Variants in ITPR1 observed in about 807,000 individuals in gnomAD.
The protein encoded by ITPR1 is inositol 1,4,5-trisphosphate-gated calcium channel ITPR1.
Under a neutral mutation model 318.4 loss-of-function variants are expected in ITPR1, and 96 were observed. The observed-to-expected ratio is 0.30, with a 90% CI of 0.26 to 0.36. The LOEUF (loss-of-function observed/expected upper bound fraction) is 0.36. Among genes scored for constraint, ITPR1 ranks in the 10% least tolerant of loss-of-function variants. The probability of loss-of-function intolerance (pLI) is 1.00; values close to 1 mark genes in which losing one functional copy is unlikely to be tolerated. For missense variants in ITPR1, 2,440 were observed against 3,460.2 expected (o/e 0.71, Z 7.40); for synonymous variants, 1,312 against 1,289.9 (o/e 1.02, Z -0.37).
chr3:4,673,771 A>T (rs2094133818), intron 21 of ITPR1, among the ~76,000 whole-genome samples: 1 of 152,040 alleles, frequency 6.6e-6, no homozygotes, highest in Non-Finnish European at 1.5e-5. Context: ...TTTAGTAGGG[A>T]CGGGGTTTCA....
chr3:4,776,962 C>A (rs2046524504), intron 47 of ITPR1, among the ~76,000 whole-genome samples: 1 of 152,236 alleles, frequency 6.6e-6, no homozygotes, highest in Non-Finnish European at 1.5e-5. Context: ...CAGAATCAGT[C>A]ATACACCATA....
chr3:4,698,946 C>G (rs962512817), intron 34 of ITPR1, among the ~76,000 whole-genome samples: 1 of 152,164 alleles, frequency 6.6e-6, no homozygotes, highest in Non-Finnish European at 1.5e-5. Flanking sequence ...TCGTAGGTGT[C>G]TCCTCACCCC....
intron 10 of ITPR1, among the ~76,000 whole-genome samples, chr3:4,646,554 A>G (rs919414084): frequency 6.6e-6 from 1 of 152,216 alleles, no homozygotes; most frequent in Non-Finnish European, 1.5e-5. Context: ...TATCCAGGCT[A>G]TAGGGAGTTG....
chr3:4,800,350 G>C (rs2048148923), intron 53 of ITPR1, 75 bp from the exon 54 acceptor site: 2 of 1,460,966 alleles, frequency 1.4e-6, no homozygotes, highest in Non-Finnish European at 1.9e-6. Flanking sequence ...ATCTGTAACA[G>C]TGCATGTTTT....
intron 12 of ITPR1, among the ~76,000 whole-genome samples, chr3:4,657,263 T>C (rs1373019718): frequency 6.6e-6 from 1 of 152,162 alleles, no homozygotes; most frequent in Non-Finnish European, 1.5e-5. Context: ...GGGAAGTTGC[T>C]ATATCATATT....
intron 4 of ITPR1, among the ~76,000 whole-genome samples, chr3:4,560,556 G>A (rs980981530): frequency 6.6e-6 from 1 of 152,030 alleles, no homozygotes; most frequent in Non-Finnish European, 1.5e-5. Flanking sequence ...CATAAGAGGC[G>A]ACTTTTGTGT....
intron 44 of ITPR1, 113 bp downstream of exon 44, chr3:4,735,467 C>A: frequency 1.2e-6 from 1 of 811,932 alleles, no homozygotes; most frequent in Non-Finnish European, 2.0e-6. Context: ...ACAGCTCATT[C>A]TGAGGGCACA....
At chr3:4,527,317 C>T (rs1056140575) in intron 4 of ITPR1, among the ~76,000 whole-genome samples, 3 of 152,160 alleles carry the variant, frequency 2.0e-5, no homozygotes, top group Non-Finnish European at 4.4e-5. Context: ...GCTGGGACTA[C>T]GGACATACCC....
chr3:4,812,263 C>G (rs141895609), intron 56 of ITPR1, among the ~76,000 whole-genome samples: 2 of 152,120 alleles, frequency 1.3e-5, no homozygotes, highest in Non-Finnish European at 2.9e-5. Context: ...GTCTCGAACT[C>G]CTGGGCTCAG....
At chr3:4,672,005 AAT>A (rs2094096892) in intron 20 of ITPR1, among the ~76,000 whole-genome samples, 1 of 152,222 alleles carries the variant, frequency 6.6e-6, no homozygotes, top group African/African-American at 2.4e-5. Context: ...TATCTGCGTT[AAT>A]AGAGATTAAT....
intron 4 of ITPR1, among the ~76,000 whole-genome samples, chr3:4,617,737 A>C (rs1026949696): frequency 1.3e-5 from 2 of 152,144 alleles, no homozygotes; most frequent in Admixed American, 1.3e-4. Flanking sequence ...TAATCCCAGC[A>C]CTTTGGGAGG....
intron 44 of ITPR1, among the ~76,000 whole-genome samples, chr3:4,763,221 A>G (rs748286489): frequency 1.3e-5 from 2 of 152,158 alleles, no homozygotes; most frequent in Non-Finnish European, 2.9e-5. Flanking sequence ...GAGTTGGGGG[A>G]GAGCATTAGG....
chr3:4,502,310 T>C (rs2081081003), intron 2 of ITPR1, among the ~76,000 whole-genome samples: 1 of 152,216 alleles, frequency 6.6e-6, no homozygotes, highest in Non-Finnish European at 1.5e-5. Context: ...TATTTTCCTT[T>C]TGGGCCTTTT....
intron 4 of ITPR1, among the ~76,000 whole-genome samples, chr3:4,564,054 G>T (rs1252016571): frequency 6.6e-6 from 1 of 151,778 alleles, no homozygotes; most frequent in Non-Finnish European, 1.5e-5. Context: ...CGATTCTCTT[G>T]CCTCAGCCTC....
At chr3:4,768,299 A>G in intron 45 of ITPR1, 1 of 527,246 alleles carries the variant, frequency 1.9e-6, no homozygotes, top group Non-Finnish European at 3.3e-6. Flanking sequence ...CACGTAGGTG[A>G]AATGGTAGAT....
chr3:4,769,881 G>T (rs1221432592), intron 46 of ITPR1, among the ~76,000 whole-genome samples: 1 of 152,198 alleles, frequency 6.6e-6, no homozygotes, highest in East Asian at 1.9e-4. Flanking sequence ...TTCCGAATGG[G>T]TCTGGATCTG....
intron 3 of ITPR1, among the ~76,000 whole-genome samples, chr3:4,517,427 A>T (rs2082249884): frequency 6.6e-6 from 1 of 152,220 alleles, no homozygotes; most frequent in Non-Finnish European, 1.5e-5. Flanking sequence ...TTCTCCAAGA[A>T]CCTCATTTTT....
chr3:4,707,319 C>T (rs1169197825), intron 37 of ITPR1, among the ~76,000 whole-genome samples: 1 of 152,160 alleles, frequency 6.6e-6, no homozygotes, highest in Non-Finnish European at 1.5e-5. Context: ...CAGATAGTGA[C>T]TGCGGTTGGA....
At position 4,806,085 on chromosome 3, in the gene ITPR1, TC is replaced by T. The variant is rs1231698531; in HGVS notation, c.7108-16del. On this transcript the variant is annotated splice_polypyrimidine_tract_variant and intron_variant, in intron 54 of 61. Transcript: ENST00000649015. Reference sequence around the variant, plus strand: ...GGCACAGTCCGTGCCATCTGACTGTTCCTGTCATTGTTCTCAGGTATGCAAT... The same window carrying T: ...GGCACAGTCCGTGCCATCTGACTGTTCTGTCATTGTTCTCAGGTATGCAAT... 3.1e-6 allele frequency: 5 copies of T among 1,608,204 alleles called. No individual in the cohort carries two copies. The African/African-American group carries it at 6.7e-5, about 21-fold the overall frequency.
Sources: gnomAD v4.1 joint callset for allele counts (sites outside exome capture counted in the v4.1 genomes callset) on GRCh38, gnomAD v4.1.1 for gene constraint, MANE v1.5 for transcripts, NCBI Gene and HGNC (gene_info 2026-07-23, HGNC 2026-07-21) for gene names.